Variants in FUT9 observed in about 807,000 individuals in gnomAD.
The protein encoded by FUT9 is fucosyltransferase 9, also known as 4-galactosyl-N-acetylglucosaminide 3-alpha-L-fucosyltransferase 9.
A neutral mutation model predicts 29.7 loss-of-function variants in FUT9; 15 were observed. That is an observed-to-expected ratio of 0.51 (90% CI 0.34 to 0.78). FUT9 has a LOEUF of 0.78. FUT9 is among the 30% of genes least tolerant of loss of function. The pLI, the probability that FUT9 is intolerant of heterozygous loss-of-function variation, is 0.01. For synonymous variants in FUT9, 169 were observed against 153.7 expected (o/e 1.10, Z -0.74); for missense variants, 319 against 425.4 (o/e 0.75, Z 2.20).
chr6:96,129,614 G>C lies in FUT9; in HGVS notation c.-9+15487G>C, dbSNP rs191705438. 1.4e-3 allele frequency among the ~76,000 whole-genome samples: 218 copies of C among 151,946 alleles called. 4 individuals are homozygous for C. Among genetic ancestry groups the C allele is most frequent in the Non-Finnish European group, 1.4e-3 (98 of 67,940 alleles). ...CAAATGTGTATAAAGTTTTGAAAAA[G>C]TTCTAAAAGGATATATGACACACTG... is the stretch of plus-strand genomic sequence containing the variant. On this transcript the variant is annotated intron_variant, in intron 2 of 2. Transcript: ENST00000302103.
chr6:96,051,471 T>A (rs796791243), intron 1 of FUT9, among the ~76,000 whole-genome samples: 11 of 151,902 alleles, frequency 7.2e-5, no homozygotes, highest in African/African-American at 2.7e-4. Context: ...GACAACATAG[T>A]GAGACCCCAA....
At chr6:96,120,042 T>A (rs1277530124) in intron 2 of FUT9, among the ~76,000 whole-genome samples, 1 of 152,122 alleles carries the variant, frequency 6.6e-6, no homozygotes, top group East Asian at 1.9e-4. Context: ...TCATTTGTTA[T>A]CTGTTACAAT....
intron 2 of FUT9, among the ~76,000 whole-genome samples, chr6:96,147,372 T>C (rs1171636778): frequency 1.3e-5 from 2 of 152,048 alleles, no homozygotes; most frequent in East Asian, 3.9e-4. Context: ...TTTCACCGTA[T>C]TGGCCAGGCT....
At position 96,207,479 on chromosome 6, in the gene FUT9, G is replaced by A. The variant is rs1034033007; in HGVS notation, c.*3244G>A. On this transcript the variant is annotated 3_prime_UTR_variant, in exon 3 of 3. Transcript: ENST00000302103. The stretch of plus-strand genomic sequence containing the variant: ...TAAAACATCAAACTTGTTAGCATTC[G>A]TTCTGGTTTAAATATTTTAGGAGTT... The A allele has an allele frequency of 6.0e-6, 1 of 166,928 alleles. No homozygotes were observed. Among genetic ancestry groups the A allele is most frequent in the Admixed American group, 6.5e-5 (1 of 15,268 alleles). 10.3% of individuals were successfully genotyped at this position (166,928 alleles called of 1,614,324 possible).
chr6:96,153,815 T>C (rs982152139), intron 2 of FUT9, among the ~76,000 whole-genome samples: 1 of 152,192 alleles, frequency 6.6e-6, no homozygotes, highest in Non-Finnish European at 1.5e-5. Flanking sequence ...AATTAGAATG[T>C]CTTTATTTCT....
chr6:96,067,347 A>C (rs191713585), intron 1 of FUT9, among the ~76,000 whole-genome samples: 5 of 152,122 alleles, frequency 3.3e-5, no homozygotes, highest in Admixed American at 6.6e-5. Flanking sequence ...CAACTTTAGA[A>C]TATAAAAGAC....
chr6:96,099,064 T>G (rs775152637), intron 1 of FUT9, among the ~76,000 whole-genome samples: 5 of 152,154 alleles, frequency 3.3e-5, no homozygotes, highest in Non-Finnish European at 5.9e-5. Context: ...ATCAGAACCT[T>G]ATGTGTAATA....
chr6:96,148,488 T>A (rs1483956287), intron 2 of FUT9, among the ~76,000 whole-genome samples: 1 of 152,118 alleles, frequency 6.6e-6, no homozygotes, highest in East Asian at 1.9e-4. Flanking sequence ...TCAGTAAAAA[T>A]TACATGGTAT....
At chr6:96,050,949 A>C (rs887340849) in intron 1 of FUT9, among the ~76,000 whole-genome samples, 1 of 152,122 alleles carries the variant, frequency 6.6e-6, no homozygotes, top group African/African-American at 2.4e-5. Flanking sequence ...TTTCAGATCA[A>C]CTGAGTGATG....
intron 1 of FUT9, among the ~76,000 whole-genome samples, chr6:96,092,095 G>A (rs1052813168): frequency 1.3e-5 from 2 of 151,782 alleles, no homozygotes; most frequent in Non-Finnish European, 2.9e-5. Context: ...TATCCCAAAT[G>A]GACAATAATA....
At chr6:96,022,388 C>T (rs1370730552) in intron 1 of FUT9, among the ~76,000 whole-genome samples, 1 of 152,028 alleles carries the variant, frequency 6.6e-6, no homozygotes, top group African/African-American at 2.4e-5. Context: ...TCTGTCTGCA[C>T]TGAATGGTTA....
In FUT9 at chr6:96,212,026, T is replaced by C; in HGVS notation, c.*7791T>C. On this transcript the variant is annotated 3_prime_UTR_variant, in exon 3 of 3. Transcript: ENST00000302103. ...TAAGGGCCAATTCTACAGAAAGTTA[T>C]GCTAACATGCTAACTTTCCACACAT... 2.4e-6 allele frequency: 1 copy of C among 412,016 alleles called. No individual in the cohort carries two copies. The highest frequency in any genetic ancestry group is 4.4e-6 in the Non-Finnish European group (1 of 225,038). 25.5% of individuals were successfully genotyped at this position (412,016 alleles called of 1,614,324 possible).
chr6:96,068,400 TA>T (rs1464332304), intron 1 of FUT9, among the ~76,000 whole-genome samples: 3 of 152,142 alleles, frequency 2.0e-5, no homozygotes, highest in African/African-American at 7.2e-5. Flanking sequence ...ACGGGTGAGT[TA>T]ACCAAAAATA....
At chr6:96,146,925 T>A (rs1321577745) in intron 2 of FUT9, among the ~76,000 whole-genome samples, 2 of 152,234 alleles carry the variant, frequency 1.3e-5, no homozygotes, top group Non-Finnish European at 2.9e-5. Context: ...TGTAATTTAA[T>A]CAAGCTTGCT....
rs560291199 is a variant in FUT9, at chr6:96,207,693, C to A, written c.*3458C>A. ...TGATTATACAAACCAATAATTATGC[C>A]TAGAATTAAATTGTGGACACAAAAA... is the stretch of plus-strand genomic sequence containing the variant. On this transcript the variant is annotated 3_prime_UTR_variant, in exon 3 of 3. Coordinates refer to ENST00000302103, the MANE Select transcript of FUT9 (RefSeq NM_006581.4). The A allele has an allele frequency of 4.8e-5, 8 of 166,804 alleles. No homozygotes were observed. In the East Asian group the frequency reaches 1.4e-3, roughly 28 times the overall value. The allele number at this position is 166,804 out of a possible 1,614,324, so 10.3% of individuals were successfully genotyped here.
intron 1 of FUT9, among the ~76,000 whole-genome samples, chr6:96,088,731 A>T (rs984527279): frequency 1.1e-4 from 17 of 152,206 alleles, no homozygotes; most frequent in African/African-American, 4.1e-4. Context: ...TCTTTCAAAA[A>T]TACTCTTCAT....
chr6:96,033,354 C>T (rs1407065370), intron 1 of FUT9, among the ~76,000 whole-genome samples: 4 of 151,464 alleles, frequency 2.6e-5, no homozygotes, highest in Non-Finnish European at 5.9e-5. Context: ...ATTAAAGCTG[C>T]TAAACAGTTA....
At chr6:96,064,112 A>C (rs1471534091) in intron 1 of FUT9, among the ~76,000 whole-genome samples, 1 of 152,176 alleles carries the variant, frequency 6.6e-6, no homozygotes, top group Non-Finnish European at 1.5e-5. Flanking sequence ...TTGGGGTAGA[A>C]CAATTACCTC....
intron 1 of FUT9, among the ~76,000 whole-genome samples, chr6:96,049,059 C>T (rs769294803): frequency 2.6e-5 from 4 of 152,044 alleles, no homozygotes; most frequent in Non-Finnish European, 5.9e-5. Context: ...TGAATAGTGC[C>T]TGACACATAT....
Sources: allele counts gnomAD v4.1 joint callset (sites outside exome capture counted in the v4.1 genomes callset), GRCh38; gene constraint gnomAD v4.1.1; transcripts MANE v1.5; gene names NCBI Gene and HGNC (gene_info 2026-07-23, HGNC 2026-07-21).